The following PCSK5 variants were observed in gnomAD, a reference collection of about 807,000 sequenced individuals.
PCSK5 encodes the protein prohormone convertase 5.
PCSK5 carries 129 observed loss-of-function variants against 233.2 expected under a neutral mutation model. The observed-to-expected ratio is 0.55, with a 90% CI of 0.48 to 0.64. The LOEUF is 0.64. Ranked by LOEUF, PCSK5 falls within the 30% of genes least tolerant of loss-of-function variation. The pLI is 0.00. For synonymous variants in PCSK5, 825 were observed against 879.2 expected (o/e 0.94, Z 1.09); for missense variants, 2,076 against 2,430.1 (o/e 0.85, Z 3.06).
chr9:75,915,342 T>C (rs536765818), intron 1 of PCSK5, among the ~76,000 whole-genome samples: 2 of 152,208 alleles, frequency 1.3e-5, no homozygotes, highest in Non-Finnish European at 2.9e-5. Context: ...GTAGAACTTA[T>C]ACAGTAACCA....
intron 2 of PCSK5, among the ~76,000 whole-genome samples, chr9:75,977,906 CG>C (rs1826100032): frequency 6.6e-6 from 1 of 151,520 alleles, no homozygotes; most frequent in African/African-American, 2.4e-5. Context: ...CCACCGCGCC[CG>C]GCCAAGAGTG....
chr9:76,109,015 T>A (rs1832096557), intron 9 of PCSK5, among the ~76,000 whole-genome samples: 1 of 152,178 alleles, frequency 6.6e-6, no homozygotes, highest in South Asian at 2.1e-4. Context: ...ATATTTGGAT[T>A]TCTTTCTTTT....
At chr9:75,945,473 T>G (rs1824524231) in intron 2 of PCSK5, among the ~76,000 whole-genome samples, 1 of 152,150 alleles carries the variant, frequency 6.6e-6, no homozygotes, top group Admixed American at 6.5e-5. Flanking sequence ...CCTGGTTAAT[T>G]CCACCATCAG....
intron 24 of PCSK5, among the ~76,000 whole-genome samples, chr9:76,262,062 GA>G (rs1200777602): frequency 6.6e-6 from 1 of 152,176 alleles, no homozygotes; most frequent in Non-Finnish European, 1.5e-5. Context: ...AGTGGTGAGA[GA>G]GGGCATCCCT....
At chr9:76,046,856 G>C (rs1177908391) in intron 5 of PCSK5, among the ~76,000 whole-genome samples, 1 of 151,462 alleles carries the variant, frequency 6.6e-6, no homozygotes, top group Non-Finnish European at 1.5e-5. Flanking sequence ...CACCGCGCCC[G>C]GCCAACTGTA....
At chr9:76,134,537 A>G (rs1441800819) in intron 10 of PCSK5, among the ~76,000 whole-genome samples, 1 of 152,030 alleles carries the variant, frequency 6.6e-6, no homozygotes, top group Middle Eastern at 3.2e-3. Flanking sequence ...ATAATAATGT[A>G]TTTTAAAATT....
At chr9:76,181,057 C>T (rs1413349931) in intron 15 of PCSK5, among the ~76,000 whole-genome samples, 1 of 152,172 alleles carries the variant, frequency 6.6e-6, no homozygotes, top group African/African-American at 2.4e-5. Context: ...TTTAAAGGGA[C>T]CTTTTTGAAT....
At chr9:75,966,806 C>T (rs1485223077) in intron 2 of PCSK5, among the ~76,000 whole-genome samples, 2 of 152,210 alleles carry the variant, frequency 1.3e-5, no homozygotes, top group African/African-American at 2.4e-5. Flanking sequence ...GGGTCACATA[C>T]TATGTAATGC....
At chr9:76,210,453 A>G (rs1825289043) in intron 20 of PCSK5, among the ~76,000 whole-genome samples, 1 of 152,178 alleles carries the variant, frequency 6.6e-6, no homozygotes, top group Non-Finnish European at 1.5e-5. Flanking sequence ...AGTACAAAGC[A>G]ACACTCTCCC....
intron 3 of PCSK5, 90 bp downstream of exon 3, chr9:75,986,335 A>G (rs1826514166): frequency 1.3e-6 from 1 of 772,332 alleles, no homozygotes; most frequent in Non-Finnish European, 2.3e-6. Flanking sequence ...AGGACACAGA[A>G]ATACTGACCA....
At position 76,071,812 on chromosome 9, in the gene PCSK5, G is replaced by A; in HGVS notation, c.808G>A (p.Ala270Thr). Residue 270 changes from alanine to threonine, a missense_variant, in exon 7 of 38, where the codon GCC becomes ACC. By Grantham distance (58) the Ala-to-Thr change is moderately conservative. Coordinates refer to ENST00000674117, the MANE Select transcript of PCSK5 (RefSeq NM_001372043.1). ...FNPQHVHIYS[A>T]SWGPDDDGKT... ...CCCCCAGCACGTGCACATTTACAGC[G>A]CCAGCTGGGGCCCGGATGATGATGG... 1.9e-6 allele frequency: 3 copies of A among 1,614,180 alleles called. No individual in the cohort carries two copies. The highest frequency in any genetic ancestry group is 2.5e-6 in the Non-Finnish European group (3 of 1,180,014).
rs1054658505 is a variant in PCSK5 at position 76,349,699 on chromosome 9, C to A, written c.4967-1129C>A. Reference sequence around the variant, plus strand: ...AAGACCTATACCAAGTTCCAACTTACAATACCAGGCACATTCTATGTCCAT... The same window carrying A: ...AAGACCTATACCAAGTTCCAACTTAAAATACCAGGCACATTCTATGTCCAT... On this transcript the variant is annotated intron_variant, in intron 35 of 37. Transcript: ENST00000674117. Among the ~76,000 whole-genome samples, 4 of 152,308 alleles carry A rather than the reference C, an allele frequency of 2.6e-5. No individual in the cohort carries two copies. The East Asian group carries it at 7.7e-4, about 29-fold the overall frequency.
intron 20 of PCSK5, among the ~76,000 whole-genome samples, chr9:76,213,951 C>G (rs540470409): frequency 1.1e-4 from 16 of 152,122 alleles, no homozygotes; most frequent in Non-Finnish European, 2.2e-4. Context: ...TGCAGTTCAA[C>G]AAACAAAAAA....
At position 75,957,178 on chromosome 9, in the gene PCSK5, AG is replaced by A. The variant is rs1825131557; in HGVS notation, c.297+24698del. On this transcript the variant is annotated intron_variant, in intron 2 of 37. Coordinates refer to ENST00000674117, the MANE Select transcript of PCSK5 (RefSeq NM_001372043.1). The stretch of plus-strand genomic sequence containing the variant: ...TTTCAACAGCTGAGCTTCTGTGCTA[AG>A]GGAAGCCCACCTTTTCAGTATTGCG... Among the ~76,000 whole-genome samples, 5 of 152,118 alleles carry A rather than the reference AG, an allele frequency of 3.3e-5. No homozygotes were observed. The South Asian group carries it at 1.0e-3, about 32-fold the overall frequency.
At chr9:75,922,842 C>G (rs1000093547) in intron 1 of PCSK5, among the ~76,000 whole-genome samples, 7 of 152,168 alleles carry the variant, frequency 4.6e-5, no homozygotes, top group Admixed American at 1.3e-4. Context: ...ATTCAACTTG[C>G]TGTGTCTTAA....
rs570319043 is a variant in PCSK5, at chr9:75,994,961, A to G, written c.411+8716A>G. On this transcript the variant is annotated intron_variant, in intron 3 of 37. Transcript: ENST00000674117. The stretch of plus-strand genomic sequence containing the variant: ...TGCTCACCTCTCCAAACATCTTGCA[A>G]TACTTTCTACTTCGCTTTCTGCTTT... Among the ~76,000 whole-genome samples the G allele has an allele frequency of 2.8e-4, 43 of 152,264 alleles. 1 individual carries two copies. The highest frequency in any genetic ancestry group is 1.6e-3 in the Admixed American group (25 of 15,298).
At position 76,362,180 on chromosome 9, in the gene PCSK5, A is replaced by G. The variant is rs1037374465; in HGVS notation, c.*3258A>G. ...TGCTAATGACTATCTAAATAGATAA[A>G]TATGTGATTGGAAAACAAAGTCACC... On this transcript the variant is annotated 3_prime_UTR_variant, in exon 38 of 38. Coordinates refer to ENST00000674117, the MANE Select transcript of PCSK5 (RefSeq NM_001372043.1). 2.0e-5 allele frequency: 3 copies of G among 152,236 alleles called. No homozygotes were observed. The highest frequency in any genetic ancestry group is 6.5e-5 in the Admixed American group (1 of 15,286). The allele number at this position is 152,236 out of a possible 1,614,324, so 9.4% of individuals were successfully genotyped here.
At chr9:76,074,133 A>G (rs1830566556) in intron 7 of PCSK5, among the ~76,000 whole-genome samples, 1 of 152,216 alleles carries the variant, frequency 6.6e-6, no homozygotes, top group Non-Finnish European at 1.5e-5. Context: ...TGTTAAGAGT[A>G]TAAGCTACAT....
At chr9:76,206,846 T>C (rs1825135124) in intron 20 of PCSK5, among the ~76,000 whole-genome samples, 1 of 151,968 alleles carries the variant, frequency 6.6e-6, no homozygotes, top group Non-Finnish European at 1.5e-5. Flanking sequence ...AACAGATAAC[T>C]ACAATTTGGT....
Sources: allele counts gnomAD v4.1 joint callset (sites outside exome capture counted in the v4.1 genomes callset), GRCh38; gene constraint gnomAD v4.1.1; transcripts MANE v1.5; gene names NCBI Gene and HGNC (gene_info 2026-07-23, HGNC 2026-07-21).